The following CEBPZ variants were observed in gnomAD, a reference collection of about 807,000 sequenced individuals.
The protein encoded by CEBPZ is CCAAT/enhancer-binding protein zeta.
Under a neutral mutation model 104.5 loss-of-function variants are expected in CEBPZ, and 78 were observed. The ratio of observed to expected loss-of-function variants is 0.75; its 90% CI spans 0.62 to 0.90. The LOEUF is 0.90. Among genes scored for constraint, CEBPZ ranks in the 40% least tolerant of loss-of-function variants. The probability of loss-of-function intolerance (pLI) is 0.00; values close to 1 mark genes in which losing one functional copy is unlikely to be tolerated. For missense variants in CEBPZ, 1,439 were observed against 1,233.5 expected, an observed-to-expected ratio of 1.17 and a Z score of -2.50; for synonymous variants, 470 against 427.0, an observed-to-expected ratio of 1.10 and a Z score of -1.24.
At chr2:37,225,090 A>G (rs536346537) in intron 2 of CEBPZ, among the ~76,000 whole-genome samples, 1 of 152,324 alleles carries the variant, frequency 6.6e-6, no homozygotes, top group African/African-American at 2.4e-5. Flanking sequence ...ACAAAACTCA[A>G]GATCCCGAAA....
intron 12 of CEBPZ, chr2:37,211,471 G>T (rs1157799302): frequency 8.7e-6 from 2 of 230,954 alleles, no homozygotes; most frequent in Non-Finnish European, 1.7e-5. Flanking sequence ...GGTGTTCCTT[G>T]CTAATTTACA....
At chr2:37,215,084 G>A (rs1677835675) in intron 8 of CEBPZ, 132 bp from the exon 9 acceptor site, 9 of 633,946 alleles carry the variant, frequency 1.4e-5, no homozygotes, top group Admixed American at 1.4e-4. Context: ...TAGACAGAAG[G>A]GACTCTGGAG....
intron 2 of CEBPZ, among the ~76,000 whole-genome samples, chr2:37,225,921 G>A (rs1425318635): frequency 8.1e-6 from 1 of 124,006 alleles, no homozygotes; most frequent in African/African-American, 3.2e-5. Flanking sequence ...GGGACCTGTG[G>A]GCAGCAATAC....
intron 5 of CEBPZ, among the ~76,000 whole-genome samples, chr2:37,217,328 G>A (rs1051901878): frequency 6.6e-6 from 1 of 152,124 alleles, no homozygotes; most frequent in Admixed American, 6.5e-5. Context: ...CTGGGCCCAG[G>A]AGGTCGAGGC....
At chr2:37,217,314 C>A (rs1558473775) in intron 5 of CEBPZ, among the ~76,000 whole-genome samples, 1 of 152,122 alleles carries the variant, frequency 6.6e-6, no homozygotes, top group South Asian at 2.1e-4. Flanking sequence ...AGTGGGAGGA[C>A]TGCCTGGGCC....
intron 8 of CEBPZ, 37 bp downstream of exon 8, chr2:37,216,103 G>T (rs772524009): frequency 2.1e-6 from 3 of 1,435,752 alleles, no homozygotes. Context: ...GTCTTATATT[G>T]TCTTTTCAGT....
At chr2:37,211,226 G>C (rs1340402418) in intron 12 of CEBPZ, 144 bp from the exon 13 acceptor site, 1 of 522,730 alleles carries the variant, frequency 1.9e-6, no homozygotes, top group Non-Finnish European at 3.3e-6. Flanking sequence ...CACTAGCATA[G>C]GCTTGAGGAC....
At chr2:37,216,931 TA>T (rs1664600568) in intron 6 of CEBPZ, 52 bp downstream of exon 6, 32 of 1,416,374 alleles carry the variant, frequency 2.3e-5, no homozygotes, top group Non-Finnish European at 2.8e-5. Context: ...ATTGATTATC[TA>T]AAATGATACT....
chr2:37,216,430 A>G lies in CEBPZ; in HGVS notation c.2209-12T>C, dbSNP rs777953215. The stretch of plus-strand genomic sequence containing the variant: ...TGAATATAGTTTCCCTGAAAAGTGG[A>G]GCGGGGATTTAAAAACTTAATTCAA... On this transcript the variant is annotated splice_polypyrimidine_tract_variant and intron_variant, in intron 6 of 15. Transcript: ENST00000234170. The G allele has an allele frequency of 1.1e-5, 17 of 1,570,478 alleles. No homozygotes were observed. The highest frequency in any genetic ancestry group is 1.4e-5 in the Non-Finnish European group (16 of 1,150,528).
rs148847859 is a variant in CEBPZ, at chr2:37,230,005, A to T, written c.157-969T>A. 4.2e-3 allele frequency among the ~76,000 whole-genome samples: 642 copies of T among 152,268 alleles called. 5 individuals carry two copies. Among genetic ancestry groups the T allele is most frequent in the African/African-American group, 0.015 (614 of 41,554 alleles). On this transcript the variant is annotated intron_variant, in intron 1 of 15. Transcript: ENST00000234170. ...CACTGTGCCTGGCTCATTTCTACAA[A>T]TTTATACTACATATACACTTACAAA...
At position 37,212,446 on chromosome 2, in the gene CEBPZ, A is replaced by G. The variant is rs192967955; in HGVS notation, c.2546-54T>C. 7.6e-5 allele frequency: 106 copies of G among 1,396,356 alleles called. No homozygotes were observed. In the African/African-American group the frequency reaches 1.4e-3, roughly 18 times the overall value. 86.5% of individuals were successfully genotyped at this position (1,396,356 alleles called of 1,614,324 possible). ...CAACAAAGAATGACAAGCTTGACAT[A>G]TATCTTGTATCTGAATCAATTATTC... is the stretch of plus-strand genomic sequence containing the variant. On this transcript the variant is annotated intron_variant, in intron 10 of 15. Transcript: ENST00000234170.
intron 13 of CEBPZ, chr2:37,209,420 A>T (rs796552862): frequency 1.3e-5 from 2 of 152,230 alleles, no homozygotes; most frequent in South Asian, 4.1e-4. Context: ...TTACCAAAAT[A>T]GCATGGTACT....
At chr2:37,224,169 A>G (rs149767199) in intron 2 of CEBPZ, among the ~76,000 whole-genome samples, 24 of 152,330 alleles carry the variant, frequency 1.6e-4, no homozygotes, top group African/African-American at 5.3e-4. Flanking sequence ...TTTACATGAC[A>G]GTTTTCCAAA....
chr2:37,213,232 T>TA (rs1677782971), intron 10 of CEBPZ, among the ~76,000 whole-genome samples: 1 of 152,198 alleles, frequency 6.6e-6, no homozygotes, highest in South Asian at 2.1e-4. Flanking sequence ...TTAGTACTGA[T>TA]ATACTATAAT....
rs530467733 is a variant in CEBPZ at position 37,211,940 on chromosome 2, A to G, written c.2703T>C (p.Val901=). The G allele has an allele frequency of 6.3e-5, 102 of 1,613,840 alleles. No individual in the cohort carries two copies. The East Asian group carries it at 2.1e-3, about 34-fold the overall frequency. The change falls in exon 12 of 16, where the codon GTT becomes GTC. Residue 901 remains valine, a synonymous_variant. Coordinates refer to ENST00000234170, the MANE Select transcript of CEBPZ (RefSeq NM_005760.3). ...CTTCATCATCCATACTTCCTAAAGAAACTTCATCGTCATCCAGGTTACCAA... is the reference window on the plus strand; with the variant it reads ...CTTCATCATCCATACTTCCTAAAGAGACTTCATCGTCATCCAGGTTACCAA... ...DELGNLDDDE[V]SLGSMDDEEF...
Position 37,228,757 on chromosome 2 carries a change from C to A in CEBPZ, c.436G>T (p.Glu146Ter). The A allele has an allele frequency of 6.2e-7, 1 of 1,614,104 alleles. No individual in the cohort carries two copies. Among genetic ancestry groups the A allele is most frequent in the Non-Finnish European group, 8.5e-7 (1 of 1,180,014 alleles). ...CTGCCATTCTCATCAGAATGTGGTT[C>A]TGGCCTATTCTTATTTTTCACCTTA... ...VNKVKNKNRP[E>*]PHSDENGSTT... The change falls in exon 2 of 16, where the codon GAA becomes TAA. Residue 146 changes from glutamate (E) to a stop codon, truncating the protein, a stop_gained. Coordinates refer to ENST00000234170, the MANE Select transcript of CEBPZ (RefSeq NM_005760.3). LOFTEE classifies it high-confidence loss of function.
At chr2:37,217,116 G>C (rs1056837503) in intron 5 of CEBPZ, 79 bp from the exon 6 acceptor site, 1 of 1,249,208 alleles carries the variant, frequency 8.0e-7, no homozygotes, top group African/African-American at 1.5e-5. Flanking sequence ...AAGAAAATCG[G>C]GCTGGGTGTG....
chr2:37,227,972 C>G lies in CEBPZ; in HGVS notation c.1221G>C (p.Glu407Asp), dbSNP rs567823759. Residue 407 changes from glutamate (E) to aspartate (D), a missense_variant, in exon 2 of 16, where the codon GAG becomes GAC. Transcript: ENST00000234170. ...TATTGGGATGTTTACAAAGTAATGT[C>G]TCTAACAGATGGGATGCTTTTGTGG... ...RIATKASHLL[E>D]TLLCKHPNMK... 6.2e-7 allele frequency: 1 copy of G among 1,614,168 alleles called. No homozygotes were observed. Among genetic ancestry groups the G allele is most frequent in the South Asian group, 1.1e-5 (1 of 91,086 alleles).
chr2:37,227,248 T>G (rs112150852), intron 2 of CEBPZ, among the ~76,000 whole-genome samples: 12 of 152,214 alleles, frequency 7.9e-5, no homozygotes, highest in Admixed American at 7.9e-4. Context: ...AAAACAAATA[T>G]AGCAAAATGT....
Sources: gnomAD v4.1 joint callset for allele counts (sites outside exome capture counted in the v4.1 genomes callset) on GRCh38, gnomAD v4.1.1 for gene constraint, MANE v1.5 for transcripts, NCBI Gene and HGNC (gene_info 2026-07-23, HGNC 2026-07-21) for gene names.